The following KIF4A variants were observed in gnomAD, a reference collection of about 807,000 sequenced individuals.
KIF4A encodes the protein chromosome-associated kinesin KIF4A.
KIF4A carries 7 observed loss-of-function variants against 105.9 expected under a neutral mutation model. The ratio of observed to expected loss-of-function variants is 0.07; its 90% CI spans 0.04 to 0.12. KIF4A has a LOEUF of 0.12. Ranked by LOEUF, KIF4A falls within the 10% of genes least tolerant of loss-of-function variation. KIF4A has a pLI of 1.00. For synonymous variants in KIF4A, 281 were observed against 331.3 expected (o/e 0.85, Z 1.65); for missense variants, 558 against 929.2 (o/e 0.60, Z 5.19).
chrX:70,341,839 A>C lies in KIF4A; in HGVS notation c.1174A>C (p.Asn392His), dbSNP rs371383515. 128 of 1,210,081 alleles carry C rather than the reference A, an allele frequency of 1.1e-4. No homozygotes were observed. The East Asian group carries it at 3.5e-3, about 33-fold the overall frequency. The change falls in exon 11 of 31, where the codon AAT (asparagine) becomes CAT (histidine). Residue 392 changes from asparagine to histidine, a missense_variant. Coordinates refer to ENST00000374403, the MANE Select transcript of KIF4A (RefSeq NM_012310.5). ...GAATCTACAATCCCTGATGGAGAAG[A>C]ATCAGTCCCTGGTAGAGGAGAATGA... The part of the protein sequence containing the change: ...SENLQSLMEK[N>H]QSLVEENEKL...
intron 7 of KIF4A, among the ~76,000 whole-genome samples, chrX:70,308,929 C>T (rs1020473798): frequency 2.7e-5 from 3 of 112,076 alleles, no homozygotes; most frequent in African/African-American, 3.2e-5. Flanking sequence ...TTTTGTATCC[C>T]GTGTATATAA....
At chrX:70,393,944 T>C (rs776330995) in intron 20 of KIF4A, among the ~76,000 whole-genome samples, 4 of 103,598 alleles carry the variant, frequency 3.9e-5, no homozygotes, top group Non-Finnish European at 7.8e-5. Flanking sequence ...CAGCTCACTG[T>C]AGCCTTAACC....
chrX:70,304,289 A>G (rs766513697), intron 7 of KIF4A, among the ~76,000 whole-genome samples: 516 of 103,181 alleles, frequency 5.0e-3, no homozygotes, highest in Non-Finnish European at 7.7e-3. Context: ...TTATGGCTGC[A>G]TAGTATTCCA....
chrX:70,402,821 TAG>T, intron 23 of KIF4A, 126 bp downstream of exon 23: 2 of 813,131 alleles, frequency 2.5e-6, no homozygotes, highest in South Asian at 5.0e-5. Flanking sequence ...ACACTAACAT[TAG>T]AGAGTTTAGT....
At chrX:70,385,080 G>A (rs2086212924) in intron 18 of KIF4A, among the ~76,000 whole-genome samples, 1 of 111,425 alleles carries the variant, frequency 9.0e-6, no homozygotes, top group Admixed American at 9.5e-5. Context: ...TGGGATTACA[G>A]GCATGAGCTA....
At chrX:70,417,554 G>A (rs971728260) in intron 28 of KIF4A, among the ~76,000 whole-genome samples, 1 of 112,082 alleles carries the variant, frequency 8.9e-6, no homozygotes, top group Admixed American at 9.5e-5. Context: ...GGCTGAGGCA[G>A]GAGAATCACT....
At position 70,380,744 on chromosome X, in the gene KIF4A, G is replaced by C. The variant is rs1012588304; in HGVS notation, c.2034+4534G>C. On this transcript the variant is annotated intron_variant, in intron 18 of 30. Transcript: ENST00000374403. ...GAAAAGGTGAAGCAAGACTATCTCTGTTTATAGATGACATGATCTTGTATA... is the reference window on the plus strand; with the variant it reads ...GAAAAGGTGAAGCAAGACTATCTCTCTTTATAGATGACATGATCTTGTATA... Among the ~76,000 whole-genome samples, 9 of 112,251 alleles carry C rather than the reference G, an allele frequency of 8.0e-5. No individual in the cohort carries two copies. In the Admixed American group the frequency reaches 8.5e-4, roughly 11 times the overall value.
At chrX:70,353,290 T>C in intron 14 of KIF4A, among the ~76,000 whole-genome samples, 1 of 112,022 alleles carries the variant, frequency 8.9e-6, no homozygotes, top group East Asian at 2.8e-4. Context: ...TGAACCCTTT[T>C]CTCAATTTCC....
At chrX:70,403,104 G>A (rs1031172726) in intron 23 of KIF4A, among the ~76,000 whole-genome samples, 5 of 112,063 alleles carry the variant, frequency 4.5e-5, no homozygotes, top group Non-Finnish European at 1.9e-5. Flanking sequence ...GACATATAAA[G>A]ATTCATTTTA....
intron 17 of KIF4A, 104 bp downstream of exon 17, chrX:70,375,452 C>A: frequency 1.3e-6 from 1 of 792,326 alleles, no homozygotes; most frequent in Non-Finnish European, 1.8e-6. Context: ...AAATAGCAGG[C>A]AGAGCAATCA....
At chrX:70,306,041 C>T (rs747937680) in intron 7 of KIF4A, among the ~76,000 whole-genome samples, 3 of 111,844 alleles carry the variant, frequency 2.7e-5, no homozygotes, top group Non-Finnish European at 5.6e-5. Flanking sequence ...CCTTTCATAT[C>T]ACATTTAGGC....
chrX:70,403,874 C>G lies in KIF4A; in HGVS notation c.2630C>G (p.Ser877Cys). 8.3e-7 allele frequency: 1 copy of G among 1,207,332 alleles called. No homozygotes were observed. The highest frequency in any genetic ancestry group is 1.1e-6 in the Non-Finnish European group (1 of 892,878). The change falls in exon 24 of 31, where the codon TCC (serine) becomes TGC (cysteine). Residue 877 changes from serine to cysteine, a missense_variant. Physicochemically the swap from Ser to Cys is moderately radical, Grantham distance 112. Coordinates refer to ENST00000374403, the MANE Select transcript of KIF4A (RefSeq NM_012310.5). Reference sequence around the variant, plus strand: ...TTTTATTCCTTCCAGCTGGTCTCCTCCAAAATACAGGTCAGCAAACTTGAA... The same window carrying G: ...TTTTATTCCTTCCAGCTGGTCTCCTGCAAAATACAGGTCAGCAAACTTGAA... ...LKYLIGELVS[S>C]KIQVSKLESS...
intron 28 of KIF4A, among the ~76,000 whole-genome samples, chrX:70,415,854 AT>A (rs1271512237): frequency 2.2e-5 from 2 of 91,945 alleles, no homozygotes; most frequent in African/African-American, 4.0e-5. Context: ...AATAGGATGC[AT>A]TATTTCTTTT....
At chrX:70,367,370 T>A (rs2086109086) in intron 15 of KIF4A, among the ~76,000 whole-genome samples, 1 of 111,799 alleles carries the variant, frequency 8.9e-6, no homozygotes. Flanking sequence ...ATTTGGTATG[T>A]TTTTGCAGTG....
Position 70,405,840 on chromosome X carries a change from G to A in KIF4A, c.2911G>A (p.Glu971Lys). ...STLKCQDEEL[E>K]KMREVCEQNQ... ...TATCTGGAAATAGGATGAAGAACTT[G>A]AGAAAATGCGAGAAGTGTGTGAGCA... The change falls in exon 26 of 31, where the codon GAG becomes AAG. Residue 971 changes from glutamate (E) to lysine (K), a missense_variant. Transcript: ENST00000374403. The A allele has an allele frequency of 8.3e-7, 1 of 1,205,479 alleles. No homozygotes were observed.
chrX:70,315,730 CCT>C (rs764451929), intron 7 of KIF4A, among the ~76,000 whole-genome samples: 1 of 111,885 alleles, frequency 8.9e-6, no homozygotes, highest in Non-Finnish European at 1.9e-5. Flanking sequence ...CAGGAGGAGG[CCT>C]CTCTGTACTC....
In KIF4A at chrX:70,354,010, C is replaced by A. The variant is rs1053058112; in HGVS notation, c.1674+203C>A. Among the ~76,000 whole-genome samples, 3 of 112,331 alleles carry A rather than the reference C, an allele frequency of 2.7e-5. No homozygotes were observed. In the Admixed American group the frequency reaches 2.8e-4, roughly 11 times the overall value. On this transcript the variant is annotated intron_variant, in intron 15 of 30. Coordinates refer to ENST00000374403, the MANE Select transcript of KIF4A (RefSeq NM_012310.5). Reference sequence around the variant, plus strand: ...TTGTTCCATTTAATCTAATGCCTTACCTTATGCCACAGGTATTTAATAAAT... The same window carrying A: ...TTGTTCCATTTAATCTAATGCCTTAACTTATGCCACAGGTATTTAATAAAT...
intron 20 of KIF4A, among the ~76,000 whole-genome samples, chrX:70,390,296 G>T (rs775784008): frequency 1.8e-5 from 2 of 110,494 alleles, no homozygotes; most frequent in African/African-American, 6.6e-5. Flanking sequence ...CCTTTGTCTT[G>T]CCTTATTGCA....
intron 13 of KIF4A, among the ~76,000 whole-genome samples, chrX:70,350,460 C>T (rs1021793370): frequency 4.7e-5 from 5 of 107,116 alleles, no homozygotes; most frequent in Middle Eastern, 4.7e-3. Flanking sequence ...AGTCCAGCCT[C>T]GGCAACAGAG....
Sources: allele counts gnomAD v4.1 joint callset (sites outside exome capture counted in the v4.1 genomes callset), GRCh38; gene constraint gnomAD v4.1.1; transcripts MANE v1.5; gene names NCBI Gene and HGNC (gene_info 2026-07-23, HGNC 2026-07-21).